RRP12: variants seen among roughly 807,000 people sequenced by gnomAD.
RRP12 encodes the protein ribosomal RNA processing 12 homolog.
In RRP12, 78 loss-of-function variants were observed where a neutral mutation model predicts 157.3. The observed-to-expected ratio is 0.50, with a 90% CI of 0.41 to 0.60. The LOEUF (loss-of-function observed/expected upper bound fraction) is 0.60, where lower values mean the gene tolerates loss of function less well. Ranked by LOEUF, RRP12 falls within the 20% of genes least tolerant of loss-of-function variation. The probability of loss-of-function intolerance (pLI) is 0.00; values close to 1 mark genes in which losing one functional copy is unlikely to be tolerated. For synonymous variants in RRP12, 726 were observed against 670.9 expected (o/e 1.08, Z -1.27); for missense variants, 1,521 against 1,679.9 (o/e 0.91, Z 1.65).
intron 15 of RRP12, among the ~76,000 whole-genome samples, chr10:97,378,898 C>T (rs1180683185): frequency 6.6e-6 from 1 of 151,930 alleles, no homozygotes; most frequent in Non-Finnish European, 1.5e-5. Flanking sequence ...AATAAATACA[C>T]CTAGAAGTAT....
Position 97,371,075 on chromosome 10 carries a change from C to A in RRP12, c.2350G>T (p.Ala784Ser), listed in dbSNP as rs141168729. Reference protein sequence around the residue: ...STIRPYLESKAHGVQKKAYRV... With the variant: ...STIRPYLESKSHGVQKKAYRV... ...TAGGCCTTCTTCTGCACCCCGTGGG[C>A]CTTGCTCTGGCAGACAGGAACCGGT... Residue 784 changes from alanine (A) to serine (S), a missense_variant, in exon 21 of 34, where the codon GCC (alanine) becomes TCC (serine). Ala to Ser is a moderately conservative substitution (Grantham distance 99). Transcript: ENST00000370992. The A allele has an allele frequency of 6.2e-7, 1 of 1,613,318 alleles. No individual in the cohort carries two copies. Among genetic ancestry groups the A allele is most frequent in the African/African-American group, 1.3e-5 (1 of 75,050 alleles).
At chr10:97,393,486 G>T in intron 4 of RRP12, 198 bp downstream of exon 4, 1 of 686,758 alleles carries the variant, frequency 1.5e-6, no homozygotes. Context: ...GTTCAGGACA[G>T]CCTAGTTTAG....
chr10:97,366,498 A>C lies in RRP12; in HGVS notation c.3339T>G (p.Gly1113=), dbSNP rs1373238720. Reference sequence around the variant, plus strand: ...CCAGGAAGTTGAGGGGCTCGTCCCCACCGCCCTCTTTCAGCCATGCCCGGC... The same window carrying C: ...CCAGGAAGTTGAGGGGCTCGTCCCCCCCGCCCTCTTTCAGCCATGCCCGGC... The part of the protein sequence containing the change: ...QRSRAWLKEG[G]GDEPLNFLDP... Residue 1113 remains glycine, a synonymous_variant, in exon 28 of 34, where the codon GGT becomes GGG. Coordinates refer to ENST00000370992, the MANE Select transcript of RRP12 (RefSeq NM_015179.4). 26 of 1,613,654 alleles carry C rather than the reference A, an allele frequency of 1.6e-5. No homozygotes were observed. The Admixed American group carries it at 4.3e-4, about 27-fold the overall frequency.
chr10:97,370,401 TC>T, intron 23 of RRP12, 53 bp downstream of exon 23: 1 of 1,409,974 alleles, frequency 7.1e-7, no homozygotes, highest in Non-Finnish European at 9.8e-7. Flanking sequence ...GAGGGGTGCT[TC>T]CCCCCACCCA....
chr10:97,383,818 A>C (rs1844535880), intron 10 of RRP12, among the ~76,000 whole-genome samples: 1 of 152,230 alleles, frequency 6.6e-6, no homozygotes, highest in Non-Finnish European at 1.5e-5. Flanking sequence ...ACAGGAAGAC[A>C]CAGCCAGGGA....
Position 97,366,823 on chromosome 10 carries a change from T to A in RRP12, c.3134A>T (p.His1045Leu). 1 of 1,614,204 alleles carries A rather than the reference T, an allele frequency of 6.2e-7. No individual in the cohort carries two copies. The highest frequency in any genetic ancestry group is 8.5e-7 in the Non-Finnish European group (1 of 1,180,034). ...CACGGCAGCCTGGCTCAGGGCTCGGTGCCTCTTGGCCCGGGCCTCAGCTTT... is the reference window on the plus strand; with the variant it reads ...CACGGCAGCCTGGCTCAGGGCTCGGAGCCTCTTGGCCCGGGCCTCAGCTTT... ...IRKAEARAKR[H>L]RALSQAAVEE... The change falls in exon 27 of 34, where the codon CAC becomes CTC. Residue 1045 changes from histidine to leucine, a missense_variant. His to Leu is a moderately conservative substitution (Grantham distance 99). Coordinates refer to ENST00000370992, the MANE Select transcript of RRP12 (RefSeq NM_015179.4).
Position 97,400,339 on chromosome 10 carries a change from C to A in RRP12, c.335G>T (p.Arg112Leu). 1 of 1,614,010 alleles carries A rather than the reference C, an allele frequency of 6.2e-7. No individual in the cohort carries two copies. The highest frequency in any genetic ancestry group is 8.5e-7 in the Non-Finnish European group (1 of 1,180,006). ...GGCAGCCGAGTTGGACTCCCAGAAG[C>A]GCTGTACTTTGCTGAAGGTGACGTT... ...CTNVTFSKVQ[R>L]FWESNSAAHK... The change falls in exon 2 of 34, where the codon CGC becomes CTC. Residue 112 changes from arginine (R) to leucine (L), a missense_variant. Arg to Leu is a moderately radical substitution (Grantham distance 102). Transcript: ENST00000370992.
intron 12 of RRP12, among the ~76,000 whole-genome samples, chr10:97,381,118 T>TA (rs755534460): frequency 2.6e-5 from 4 of 152,170 alleles, no homozygotes; most frequent in East Asian, 3.8e-4. Flanking sequence ...TGCTAGTGCT[T>TA]AAAGAAAAAC....
intron 8 of RRP12, among the ~76,000 whole-genome samples, chr10:97,387,643 T>A (rs1284396610): frequency 6.8e-6 from 1 of 146,210 alleles, no homozygotes. Flanking sequence ...TTAAAGCTGC[T>A]AAAAAAAAAA....
In RRP12 at chr10:97,357,010, G is replaced by C; in HGVS notation, c.*84C>G. ...TGAGTCCAGGCTCTGCCAGAATCTT[G>C]AGCACCTGGAGCTGGTGGCAAGGCA... On this transcript the variant is annotated 3_prime_UTR_variant, in exon 34 of 34. Coordinates refer to ENST00000370992, the MANE Select transcript of RRP12 (RefSeq NM_015179.4). The C allele has an allele frequency of 1.4e-6, 1 of 739,598 alleles. No homozygotes were observed. The highest frequency in any genetic ancestry group is 2.3e-6 in the Non-Finnish European group (1 of 430,764). 45.8% of individuals were successfully genotyped at this position (739,598 alleles called of 1,614,324 possible).
At chr10:97,380,625 C>T (rs1157826075) in intron 13 of RRP12, among the ~76,000 whole-genome samples, 174 bp downstream of exon 13, 1 of 152,182 alleles carries the variant, frequency 6.6e-6, no homozygotes, top group Non-Finnish European at 1.5e-5. Flanking sequence ...TCCTGCCCCT[C>T]CCTTGTTGGC....
intron 8 of RRP12, among the ~76,000 whole-genome samples, chr10:97,386,726 C>T (rs1455472966): frequency 6.6e-6 from 1 of 152,158 alleles, no homozygotes; most frequent in Non-Finnish European, 1.5e-5. Context: ...TGCAGAGGCT[C>T]ACATCTGTAA....
intron 31 of RRP12, among the ~76,000 whole-genome samples, chr10:97,359,420 T>G (rs958309205): frequency 5.3e-5 from 8 of 152,250 alleles, no homozygotes; most frequent in African/African-American, 1.9e-4. Flanking sequence ...AGAAGCCATT[T>G]TAGGCTTTCC....
At position 97,400,838 on chromosome 10, in the gene RRP12, C is replaced by A. The variant is rs116806686; in HGVS notation, c.139+255G>T. On this transcript the variant is annotated intron_variant, in intron 1 of 33. Coordinates refer to ENST00000370992, the MANE Select transcript of RRP12 (RefSeq NM_015179.4). ...GGTGAACGCGCTCTGTAAAGAGCTA[C>A]CCAAGGTCCAAGCCATCTGTCTCAA... Among the ~76,000 whole-genome samples, 1,617 of 152,222 alleles carry A rather than the reference C, an allele frequency of 0.011. 30 individuals carry two copies. Among genetic ancestry groups the A allele is most frequent in the African/African-American group, 0.038 (1,565 of 41,532 alleles).
chr10:97,363,142 C>T (rs182543840), intron 30 of RRP12, among the ~76,000 whole-genome samples: 164 of 152,288 alleles, frequency 1.1e-3, no homozygotes, highest in Admixed American at 2.3e-3. Context: ...GGGTGGTGCC[C>T]AGGAAGGCTG....
In RRP12 at chr10:97,388,601, T is replaced by G. The variant is rs1485531482; in HGVS notation, c.777A>C (p.Gly259=). Residue 259 remains glycine (G), a synonymous_variant, in exon 7 of 34, where the codon GGA becomes GGC. Coordinates refer to ENST00000370992, the MANE Select transcript of RRP12 (RefSeq NM_015179.4). ...KPKIRKAAQH[G]VCSVLKGSEF... ...CACTGCCCTTGAGGACTGAGCATAC[T>G]CCATGCTGGGCAGCCTTCCGGATCT... 1.9e-6 allele frequency: 3 copies of G among 1,614,012 alleles called. No individual in the cohort carries two copies. Among genetic ancestry groups the G allele is most frequent in the Admixed American group, 1.7e-5 (1 of 59,992 alleles).
Position 97,388,264 on chromosome 10 carries a change from G to T in RRP12, c.1005C>A (p.Thr335=), listed in dbSNP as rs1410344176. Residue 335 remains threonine (T), a synonymous_variant, in exon 8 of 34, where the codon ACC becomes ACA. Coordinates refer to ENST00000370992, the MANE Select transcript of RRP12 (RefSeq NM_015179.4). ...GGCCTGAGCTCACCACATGGCTCAA[G>T]GTCATGACCCTGAGGAGAGTCTCAC... ...SCSETLLRVM[T]LSHVLVTACA... 2.5e-6 allele frequency: 4 copies of T among 1,614,060 alleles called. No homozygotes were observed. Among genetic ancestry groups the T allele is most frequent in the Non-Finnish European group, 2.5e-6 (3 of 1,180,032 alleles).
rs371287285 is a variant in RRP12 at position 97,370,552 on chromosome 10, C to T, written c.2592G>A (p.Leu864=). 2.5e-6 allele frequency: 4 copies of T among 1,610,118 alleles called. No homozygotes were observed. The highest frequency in any genetic ancestry group is 2.2e-5 in the East Asian group (1 of 44,868). The change falls in exon 23 of 34, where the codon CTG becomes CTA. Residue 864 remains leucine (L), a synonymous_variant. Coordinates refer to ENST00000370992, the MANE Select transcript of RRP12 (RefSeq NM_015179.4). ...FITALIPEVI[L]CTKEVSVGAR... Reference sequence around the variant, plus strand: ...CGCCCACCGACACCTCCTTGGTGCACAGGATCACCTGGCCAAGACAACTCC... The same window carrying T: ...CGCCCACCGACACCTCCTTGGTGCATAGGATCACCTGGCCAAGACAACTCC...
chr10:97,388,098 C>T, intron 8 of RRP12, 154 bp downstream of exon 8: 1 of 951,418 alleles, frequency 1.1e-6, no homozygotes, highest in South Asian at 1.5e-5. Flanking sequence ...CCTGGCCTAG[C>T]CAAACACCAC....
Sources: gnomAD v4.1 joint callset for allele counts (sites outside exome capture counted in the v4.1 genomes callset) on GRCh38, gnomAD v4.1.1 for gene constraint, MANE v1.5 for transcripts, NCBI Gene and HGNC (gene_info 2026-07-23, HGNC 2026-07-21) for gene names.